ATP8B2: variants seen among roughly 807,000 people sequenced by gnomAD.
The protein encoded by ATP8B2 is phospholipid-transporting ATPase ID.
ATP8B2 carries 70 observed loss-of-function variants against 133.4 expected under a neutral mutation model. That is an observed-to-expected ratio of 0.52 (90% CI 0.43 to 0.64). The LOEUF is 0.64. ATP8B2 is among the 30% of genes least tolerant of loss of function. The pLI, the probability that ATP8B2 is intolerant of heterozygous loss-of-function variation, is 0.00. For missense variants in ATP8B2, 1,101 were observed against 1,535.7 expected (o/e 0.72, Z 4.73); for synonymous variants, 517 against 589.5 (o/e 0.88, Z 1.78).
chr1:154,331,222 C>T lies in ATP8B2; in HGVS notation c.303+76C>T, dbSNP rs1685979268. On this transcript the variant is annotated intron_variant, in intron 5 of 27. Transcript: ENST00000368489. This position sits in a 1 kb window ranked among gnomAD's most constrained non-coding sequence, Gnocchi z 4.8. ...CAGCCCCACCCCCATCTCATGGCCA[C>T]CTTCATCCAGCACAATTTCTTGGTG... 1.7e-5 allele frequency: 23 copies of T among 1,354,978 alleles called. No individual in the cohort carries two copies. In the East Asian group the frequency reaches 5.2e-4, roughly 31 times the overall value. 83.9% of individuals were successfully genotyped at this position (1,354,978 alleles called of 1,614,324 possible).
chr1:154,344,015 C>G lies in ATP8B2; in HGVS notation c.1881C>G (p.Asp627Glu), dbSNP rs769031274. The G allele has an allele frequency of 6.2e-7, 1 of 1,614,114 alleles. No individual in the cohort carries two copies. The highest frequency in any genetic ancestry group is 8.5e-7 in the Non-Finnish European group (1 of 1,179,978). The change falls in exon 18 of 28, where the codon GAC becomes GAG. Residue 627 changes from aspartate (D) to glutamate (E), a missense_variant. Asp to Glu is a conservative substitution (Grantham distance 45). Coordinates refer to ENST00000368489, the MANE Select transcript of ATP8B2 (RefSeq NM_001370597.1). This position sits in a 1 kb window ranked among gnomAD's most constrained non-coding sequence, Gnocchi z 4.1. The stretch of plus-strand genomic sequence containing the variant: ...GCCTGGCCCAGGACAGCCGGGAGGA[C>G]AGGCTGGCTAGCATCTATGAGGAGG... The part of the protein sequence containing the change: ...QASLAQDSRE[D>E]RLASIYEEVE...
chr1:154,337,606 T>A, intron 12 of ATP8B2, 62 bp downstream of exon 12: 1 of 1,614,198 alleles, frequency 6.2e-7, no homozygotes, highest in Non-Finnish European at 8.5e-7. Context: ...AGAACTTTTC[T>A]TTTCTATGAA....
rs1685887898 is a variant in ATP8B2 at position 154,328,919 on chromosome 1, C to A, written c.31+747C>A. 7.0e-6 allele frequency: 9 copies of A among 1,281,616 alleles called. No individual in the cohort carries two copies. In the Admixed American group the frequency reaches 9.6e-5, roughly 14 times the overall value. The allele number at this position is 1,281,616 out of a possible 1,614,324, so 79.4% of individuals were successfully genotyped here. On this transcript the variant is annotated intron_variant, in intron 2 of 27. Transcript: ENST00000368489. This position sits in a 1 kb window ranked among gnomAD's most constrained non-coding sequence, Gnocchi z 4.6. ...GCGGCTCCTGCACCTCCCCGGGGAG[C>A]CGCCCCGTCGATGCCACTAAGGCCA...
rs2149162354 is a variant in ATP8B2, at chr1:154,332,684, T to C, written c.576T>C (p.Leu192=). 6.3e-7 allele frequency: 1 copy of C among 1,577,668 alleles called. No homozygotes were observed. The highest frequency in any genetic ancestry group is 8.6e-7 in the Non-Finnish European group (1 of 1,160,072). ...CAGAATTGGGAGACATCAGTAAGCT[T>C]GCCAAGTTTGACGGTGAGTAATTTT... ...VTSELGDISK[L]AKFDGEVICE... The change falls in exon 9 of 28, where the codon CTT becomes CTC. Residue 192 remains leucine, a synonymous_variant. Coordinates refer to ENST00000368489, the MANE Select transcript of ATP8B2 (RefSeq NM_001370597.1).
Position 154,346,408 on chromosome 1 carries a change from C to G in ATP8B2, c.2956C>G (p.Gln986Glu). The change falls in exon 25 of 28, where the codon CAG (glutamine) becomes GAG (glutamate). Residue 986 changes from glutamine to glutamate, a missense_variant. Gln to Glu is a conservative substitution (Grantham distance 29, BLOSUM62 2). Coordinates refer to ENST00000368489, the MANE Select transcript of ATP8B2 (RefSeq NM_001370597.1). This position sits in a 1 kb window ranked among gnomAD's most constrained non-coding sequence, Gnocchi z 4.5. ...FADATRDDGT[Q>E]LADYQSFAVT... Reference sequence around the variant, plus strand: ...TGATGCCACCCGGGATGATGGCACTCAGCTGGCTGACTACCAGTCCTTTGC... The same window carrying G: ...TGATGCCACCCGGGATGATGGCACTGAGCTGGCTGACTACCAGTCCTTTGC... 1 of 1,614,210 alleles carries G rather than the reference C, an allele frequency of 6.2e-7. No homozygotes were observed. Among genetic ancestry groups the G allele is most frequent in the Non-Finnish European group, 8.5e-7 (1 of 1,180,034 alleles).
chr1:154,328,700 C>T lies in ATP8B2; in HGVS notation c.31+528C>T. ...GCGGCTCCTGCAGTCGGGGAGCGGGCGGGGGCGGAACCCTGGGCGTGCTCG... is the reference window on the plus strand; with the variant it reads ...GCGGCTCCTGCAGTCGGGGAGCGGGTGGGGGCGGAACCCTGGGCGTGCTCG... On this transcript the variant is annotated intron_variant, in intron 2 of 27. Transcript: ENST00000368489. This position sits in a 1 kb window ranked among gnomAD's most constrained non-coding sequence, Gnocchi z 4.6. 5.0e-6 allele frequency: 4 copies of T among 801,934 alleles called. No individual in the cohort carries two copies. The highest frequency in any genetic ancestry group is 6.0e-6 in the Non-Finnish European group (4 of 661,330). The allele number at this position is 801,934 out of a possible 1,614,324, so 49.7% of individuals were successfully genotyped here. A position where few individuals can be genotyped will look rare whatever the true frequency, so the allele number is the denominator to read the frequency against.
At position 154,342,824 on chromosome 1, in the gene ATP8B2, A is replaced by G. The variant is rs774513161; in HGVS notation, c.1316A>G (p.Asn439Ser). 3.7e-6 allele frequency: 6 copies of G among 1,613,988 alleles called. No individual in the cohort carries two copies. The highest frequency in any genetic ancestry group is 3.3e-5 in the Admixed American group (2 of 60,002). ...ERPEPVDFSFNPLADKKFLFW... is the reference protein window; with the variant it reads ...ERPEPVDFSFSPLADKKFLFW... ...CCTGAACCTGTTGACTTCTCCTTCA[A>G]TCCTCTGGCTGACAAGAAGTTCTTA... Residue 439 changes from asparagine (N) to serine (S), a missense_variant, in exon 15 of 28, where the codon AAT becomes AGT. Asn to Ser is a conservative substitution (Grantham distance 46). Transcript: ENST00000368489.
intron 13 of ATP8B2, 113 bp downstream of exon 13, chr1:154,341,175 G>A: frequency 1.8e-6 from 2 of 1,120,168 alleles, no homozygotes; most frequent in South Asian, 1.3e-5. Context: ...AGTTGGGTCT[G>A]AGGGGCCTAG....
At chr1:154,329,214 A>C in intron 2 of ATP8B2, 1 of 804,704 alleles carries the variant, frequency 1.2e-6, no homozygotes, top group Non-Finnish European at 1.7e-6. Flanking sequence ...CGAAGGATCC[A>C]GTCCCTACCT....
Position 154,348,334 on chromosome 1 carries a change from G to A in ATP8B2, c.3164-74G>A, listed in dbSNP as rs560596070. The A allele has an allele frequency of 2.7e-6, 4 of 1,504,684 alleles. No homozygotes were observed. The African/African-American group carries it at 5.5e-5, about 21-fold the overall frequency. 93.2% of individuals were successfully genotyped at this position (1,504,684 alleles called of 1,614,324 possible). On this transcript the variant is annotated intron_variant, in intron 26 of 27. Coordinates refer to ENST00000368489, the MANE Select transcript of ATP8B2 (RefSeq NM_001370597.1). ...ACTTAGGCTTTGAGAGTAGGGAAGT[G>A]GAGCTGCCAGAAATGGGAACGGGGA...
Position 154,334,887 on chromosome 1 carries a change from C to T in ATP8B2, c.837+296C>T, listed in dbSNP as rs141250387. Among the ~76,000 whole-genome samples, 1 of 152,104 alleles carries T rather than the reference C, an allele frequency of 6.6e-6. No individual in the cohort carries two copies. Among genetic ancestry groups the T allele is most frequent in the East Asian group, 1.9e-4 (1 of 5,182 alleles). ...GCATGTGACCTTCTGTTTGCTTTTG[C>T]CAGGGACAAGGAGGCCTTCATGGGG... On this transcript the variant is annotated intron_variant, in intron 11 of 27. Transcript: ENST00000368489. This position sits in a 1 kb window ranked among gnomAD's most constrained non-coding sequence, Gnocchi z 4.6.
In ATP8B2 at chr1:154,329,497, G is replaced by C. The variant is rs967685072; in HGVS notation, c.32-899G>C. Among the ~76,000 whole-genome samples the C allele has an allele frequency of 2.6e-5, 4 of 152,114 alleles. No homozygotes were observed. In the East Asian group the frequency reaches 7.7e-4, roughly 29 times the overall value. On this transcript the variant is annotated intron_variant, in intron 2 of 27. Coordinates refer to ENST00000368489, the MANE Select transcript of ATP8B2 (RefSeq NM_001370597.1). ...AGGTCATGGTGACCCCCGGGGAGACGGGCTGGGGAATCTATTATAGGACAG... is the reference window on the plus strand; with the variant it reads ...AGGTCATGGTGACCCCCGGGGAGACCGGCTGGGGAATCTATTATAGGACAG...
At position 154,331,230 on chromosome 1, in the gene ATP8B2, C is replaced by T; in HGVS notation, c.303+84C>T. 1.6e-6 allele frequency: 2 copies of T among 1,285,068 alleles called. No individual in the cohort carries two copies. The highest frequency in any genetic ancestry group is 2.2e-6 in the Non-Finnish European group (2 of 908,780). The allele number at this position is 1,285,068 out of a possible 1,614,324, so 79.6% of individuals were successfully genotyped here. ...CCCCCATCTCATGGCCACCTTCATC[C>T]AGCACAATTTCTTGGTGACCTTGAC... is the stretch of plus-strand genomic sequence containing the variant. On this transcript the variant is annotated intron_variant, in intron 5 of 27. Coordinates refer to ENST00000368489, the MANE Select transcript of ATP8B2 (RefSeq NM_001370597.1). The surrounding 1 kb of genome is among the most constrained non-coding windows in gnomAD (Gnocchi z 4.8).
Position 154,345,340 on chromosome 1 carries a change from G to C in ATP8B2, c.2489G>C (p.Gly830Ala). The C allele has an allele frequency of 6.2e-7, 1 of 1,614,060 alleles. No individual in the cohort carries two copies. Among genetic ancestry groups the C allele is most frequent in the Non-Finnish European group, 8.5e-7 (1 of 1,180,026 alleles). Residue 830 changes from glycine (G) to alanine (A), a missense_variant, in exon 23 of 28, where the codon GGG (glycine) becomes GCG (alanine). By Grantham distance (60) the Gly-to-Ala change is moderately conservative. Transcript: ENST00000368489. The surrounding 1 kb of genome is among the most constrained non-coding windows in gnomAD (Gnocchi z 5.6). ...SMIKTAHIGVGISGQEGIQAV... is the reference protein window; with the variant it reads ...SMIKTAHIGVAISGQEGIQAV... Reference sequence around the variant, plus strand: ...TCTGCAGCGGCTCACATTGGTGTGGGGATCAGTGGGCAGGAAGGGATCCAG... The same window carrying C: ...TCTGCAGCGGCTCACATTGGTGTGGCGATCAGTGGGCAGGAAGGGATCCAG...
In ATP8B2 at chr1:154,343,004, C is replaced by T. The variant is rs778215046; in HGVS notation, c.1453+43C>T. ...CTCGCACTCTCCTGACCTGACTCTG[C>T]CCTTGGGCTCTGCTCTGCTCTGCAA... On this transcript the variant is annotated intron_variant, in intron 15 of 27. Transcript: ENST00000368489. The surrounding 1 kb of genome is among the most constrained non-coding windows in gnomAD (Gnocchi z 5.8). 1.7e-5 allele frequency: 28 copies of T among 1,606,798 alleles called. No individual in the cohort carries two copies. The East Asian group carries it at 3.6e-4, about 21-fold the overall frequency.
In ATP8B2 at chr1:154,343,945, A is replaced by G; in HGVS notation, c.1811A>G (p.Asp604Gly). The change falls in exon 18 of 28, where the codon GAT becomes GGT. Residue 604 changes from aspartate to glycine, a missense_variant. Asp to Gly is a moderately conservative substitution (Grantham distance 94). Coordinates refer to ENST00000368489, the MANE Select transcript of ATP8B2 (RefSeq NM_001370597.1). The surrounding 1 kb of genome is among the most constrained non-coding windows in gnomAD (Gnocchi z 5.8). ...RTLVLAYKDLDEEYYEEWAER... is the reference protein window; with the variant it reads ...RTLVLAYKDLGEEYYEEWAER... Reference sequence around the variant, plus strand: ...CTGGTGCTGGCCTACAAGGATCTGGATGAAGAGTACTACGAGGAGTGGGCT... The same window carrying G: ...CTGGTGCTGGCCTACAAGGATCTGGGTGAAGAGTACTACGAGGAGTGGGCT... 6.2e-7 allele frequency: 1 copy of G among 1,613,982 alleles called. No homozygotes were observed. Among genetic ancestry groups the G allele is most frequent in the Non-Finnish European group, 8.5e-7 (1 of 1,179,958 alleles).
chr1:154,341,770 G>A (rs1686393055), intron 13 of ATP8B2: 1 of 151,382 alleles, frequency 6.6e-6, no homozygotes, highest in Admixed American at 6.6e-5. Flanking sequence ...TCCAGCCTGG[G>A]CGACAAGAGT....
Position 154,331,020 on chromosome 1 carries a change from G to T in ATP8B2, c.205-28G>T. On this transcript the variant is annotated intron_variant, in intron 4 of 27. Transcript: ENST00000368489. This position sits in a 1 kb window ranked among gnomAD's most constrained non-coding sequence, Gnocchi z 4.8. ...AATGAAGGCATCAGATGGGGCCTCA[G>T]AGGCATACTTCTCTTTCTTTTTTTC... 1.2e-6 allele frequency: 2 copies of T among 1,607,430 alleles called. No individual in the cohort carries two copies. The highest frequency in any genetic ancestry group is 1.7e-6 in the Non-Finnish European group (2 of 1,174,034).
intron 11 of ATP8B2, 76 bp from the exon 12 acceptor site, chr1:154,337,272 G>T: frequency 6.6e-7 from 1 of 1,512,916 alleles, no homozygotes; most frequent in South Asian, 1.3e-5. Flanking sequence ...CTCAAGGGAT[G>T]AATACATCAC....
Sources: gnomAD v4.1 joint callset for allele counts (sites outside exome capture counted in the v4.1 genomes callset) on GRCh38, gnomAD v4.1.1 for gene constraint, Gnocchi (gnomAD v3.1) non-coding constraint, MANE v1.5 for transcripts, NCBI Gene and HGNC (gene_info 2026-07-23, HGNC 2026-07-21) for gene names.